STARD13: variants seen among roughly 807,000 people sequenced by gnomAD.
STARD13 encodes StAR related lipid transfer domain containing 13, also known as stAR-related lipid transfer protein 13.
STARD13 carries 62 observed loss-of-function variants against 106.4 expected under a neutral mutation model. The observed-to-expected ratio is 0.58, with a 90% CI of 0.48 to 0.72. The LOEUF (loss-of-function observed/expected upper bound fraction) is 0.72. STARD13 is among the 30% of genes least tolerant of loss of function. STARD13 has a pLI of 0.00. For synonymous variants in STARD13, 565 were observed against 553.0 expected, an observed-to-expected ratio of 1.02 and a Z score of -0.31; for missense variants, 1,387 against 1,424.0, an observed-to-expected ratio of 0.97 and a Z score of 0.42.
the STARD13 span, among the ~76,000 whole-genome samples, chr13:33,663,758 G>A: frequency 6.6e-6 from 1 of 152,218 alleles, no homozygotes; most frequent in African/African-American, 2.4e-5. Flanking sequence ...AGCAGAGCAG[G>A]AGGGAGCAAG....
the STARD13 span, among the ~76,000 whole-genome samples, chr13:33,648,164 T>C: frequency 6.6e-6 from 1 of 152,224 alleles, no homozygotes; most frequent in Non-Finnish European, 1.5e-5. Flanking sequence ...CATATTATAT[T>C]ATCTCTGACA....
the STARD13 span, among the ~76,000 whole-genome samples, chr13:33,380,727 A>G: frequency 6.7e-6 from 1 of 150,196 alleles, no homozygotes; most frequent in East Asian, 1.9e-4. Context: ...TTGAAGAACA[A>G]ACAGGCAATT....
the STARD13 span, among the ~76,000 whole-genome samples, chr13:33,660,270 C>T: frequency 6.6e-6 from 1 of 152,072 alleles, no homozygotes; most frequent in African/African-American, 2.4e-5. Flanking sequence ...TGAAATAGTG[C>T]TATTATCTGT....
chr13:33,245,213 T>C (rs994152371), intron 1 of STARD13, among the ~76,000 whole-genome samples: 3 of 152,194 alleles, frequency 2.0e-5, no homozygotes, highest in Non-Finnish European at 1.5e-5. Flanking sequence ...ATTTTCTCAT[T>C]TGAATAAAAT....
At chr13:33,663,912 G>C in the STARD13 span, among the ~76,000 whole-genome samples, 1 of 152,142 alleles carries the variant, frequency 6.6e-6, no homozygotes, top group East Asian at 1.9e-4. Flanking sequence ...CTGTGGCACC[G>C]TTCCTCCGAC....
intron 1 of STARD13, among the ~76,000 whole-genome samples, chr13:33,338,410 T>G (rs1037382684): frequency 2.4e-4 from 36 of 152,178 alleles, no homozygotes; most frequent in African/African-American, 8.4e-4. Context: ...GCAGATGAAT[T>G]CTCATTTGCA....
chr13:33,616,146 A>G, the STARD13 span, among the ~76,000 whole-genome samples: 1 of 150,154 alleles, frequency 6.7e-6, no homozygotes, highest in Non-Finnish European at 1.5e-5. Flanking sequence ...GACAGGGAAA[A>G]AGAGAGAGAG....
At chr13:33,604,748 G>A in the STARD13 span, among the ~76,000 whole-genome samples, 1 of 151,560 alleles carries the variant, frequency 6.6e-6, no homozygotes. Flanking sequence ...GCAGTGAGCT[G>A]AGATTGGGCC....
At chr13:33,499,543 C>T in the STARD13 span, among the ~76,000 whole-genome samples, 2 of 50,112 alleles carry the variant, frequency 4.0e-5, no homozygotes, top group African/African-American at 7.1e-5. Context: ...TCTTCTTCTT[C>T]TTCTTCTTCT....
the STARD13 span, among the ~76,000 whole-genome samples, chr13:33,375,105 T>A: frequency 1.3e-5 from 2 of 152,212 alleles, no homozygotes; most frequent in African/African-American, 4.8e-5. Flanking sequence ...TTACTCATGC[T>A]ATCCCTTAGG....
chr13:33,242,351 C>G (rs1308030233), intron 1 of STARD13, among the ~76,000 whole-genome samples: 2 of 152,168 alleles, frequency 1.3e-5, no homozygotes, highest in Non-Finnish European at 2.9e-5. Context: ...CAGATTGTTA[C>G]TGTGTCTGTG....
the STARD13 span, among the ~76,000 whole-genome samples, chr13:33,639,490 CTG>C: frequency 6.6e-6 from 1 of 152,190 alleles, no homozygotes; most frequent in Non-Finnish European, 1.5e-5. Context: ...ATGTAAGTCA[CTG>C]TAATATAGAA....
At chr13:33,486,260 A>T in the STARD13 span, among the ~76,000 whole-genome samples, 7 of 152,142 alleles carry the variant, frequency 4.6e-5, no homozygotes, top group Non-Finnish European at 1.0e-4. Context: ...CTAAAGTGGG[A>T]CCGAGAAGAG....
the STARD13 span, among the ~76,000 whole-genome samples, chr13:33,608,302 TC>T: frequency 6.6e-6 from 1 of 152,214 alleles, no homozygotes; most frequent in African/African-American, 2.4e-5. Flanking sequence ...ATGTCCATTC[TC>T]CCAAAATTAC....
At chr13:33,291,179 G>A (rs7317660) in intron 1 of STARD13, among the ~76,000 whole-genome samples, 1,770 of 152,322 alleles carry the variant, frequency 0.012, 48 homozygotes, top group African/African-American at 0.041. Context: ...CCAAGCTATT[G>A]AAGAATGTTC....
At chr13:33,372,973 G>A in the STARD13 span, among the ~76,000 whole-genome samples, 1 of 152,096 alleles carries the variant, frequency 6.6e-6, no homozygotes, top group Non-Finnish European at 1.5e-5. Context: ...GGTACAGTCT[G>A]AATTTTTATA....
Position 33,226,435 on chromosome 13 carries a change from C to CTTTT in STARD13, c.170-58817_170-58814dup, listed in dbSNP as rs71196514. ...TGAACAATAGCTTTCAAATTTAGTT[C>CTTTT]TTTTTTTTTTTTTTTTTTTAGATGA... On this transcript the variant is annotated intron_variant, in intron 1 of 13. Coordinates refer to ENST00000336934, the MANE Select transcript of STARD13 (RefSeq NM_178006.4). Among the ~76,000 whole-genome samples the CTTTT allele has an allele frequency of 5.8e-3, 751 of 130,184 alleles. 5 individuals are homozygous for CTTTT. The highest frequency in any genetic ancestry group is 0.017 in the African/African-American group (593 of 34,872). The allele number at this position is 130,184 out of a possible 152,430, so 85.4% of individuals were successfully genotyped here.
the STARD13 span, among the ~76,000 whole-genome samples, chr13:33,660,506 G>C: frequency 1.1e-4 from 16 of 152,238 alleles, no homozygotes; most frequent in South Asian, 2.1e-4. Flanking sequence ...TGTTTCCTTT[G>C]ATAGTAACAT....
the STARD13 span, among the ~76,000 whole-genome samples, chr13:33,497,114 C>T: frequency 8.5e-5 from 13 of 152,218 alleles, no homozygotes; most frequent in East Asian, 1.9e-4. Context: ...TTAATTAGCA[C>T]GACCTCAGAA....
Sources: allele counts gnomAD v4.1 joint callset (sites outside exome capture counted in the v4.1 genomes callset), GRCh38; gene constraint gnomAD v4.1.1; transcripts MANE v1.5; gene names NCBI Gene and HGNC (gene_info 2026-07-23, HGNC 2026-07-21).